Variants in BMPR1B observed in about 807,000 individuals in gnomAD.
BMPR1B encodes bone morphogenetic protein receptor type 1B, also known as bone morphogenetic protein receptor type-1B.
BMPR1B carries 12 observed loss-of-function variants against 59.1 expected under a neutral mutation model. The observed-to-expected ratio is 0.20, with a 90% CI of 0.13 to 0.33. BMPR1B has a LOEUF of 0.33. BMPR1B is among the 10% of genes least tolerant of loss of function. BMPR1B has a pLI of 1.00. For synonymous variants in BMPR1B, 237 were observed against 207.3 expected (o/e 1.14, Z -1.23); for missense variants, 550 against 610.9 (o/e 0.90, Z 1.05).
chr4:94,889,011 T>G (rs1180410727), intron 2 of BMPR1B, among the ~76,000 whole-genome samples: 2 of 151,968 alleles, frequency 1.3e-5, no homozygotes, highest in Non-Finnish European at 2.9e-5. Flanking sequence ...ATACAGGTTT[T>G]AAGAGTCTTA....
chr4:94,968,216 G>A (rs1229794519), intron 2 of BMPR1B, among the ~76,000 whole-genome samples: 1 of 152,134 alleles, frequency 6.6e-6, no homozygotes, highest in Non-Finnish European at 1.5e-5. Context: ...AAAGACTAAA[G>A]TGATTAAAGC....
At chr4:94,967,872 T>C (rs753925840) in intron 2 of BMPR1B, among the ~76,000 whole-genome samples, 4 of 152,164 alleles carry the variant, frequency 2.6e-5, no homozygotes, top group Non-Finnish European at 5.9e-5. Context: ...AATACGCTAT[T>C]CATGTCATAG....
chr4:94,805,786 G>A (rs1483729143), intron 1 of BMPR1B, among the ~76,000 whole-genome samples: 2 of 152,108 alleles, frequency 1.3e-5, no homozygotes, highest in East Asian at 3.9e-4. Context: ...GACTGGGAAT[G>A]AAGTTATATT....
chr4:94,978,732 A>T (rs543560810), intron 2 of BMPR1B, among the ~76,000 whole-genome samples: 2 of 152,190 alleles, frequency 1.3e-5, no homozygotes, highest in Admixed American at 1.3e-4. Flanking sequence ...GAAGAAGAAC[A>T]TTTCGAATGG....
At chr4:94,758,635 C>G (rs1394070099) in intron 1 of BMPR1B, among the ~76,000 whole-genome samples, 1 of 152,110 alleles carries the variant, frequency 6.6e-6, no homozygotes, top group African/African-American at 2.4e-5. Flanking sequence ...GCGGGCTGGT[C>G]CCGGCGCCTT....
At chr4:95,147,917 G>C (rs1734760144) in intron 10 of BMPR1B, among the ~76,000 whole-genome samples, 2 of 152,190 alleles carry the variant, frequency 1.3e-5, no homozygotes, top group Non-Finnish European at 2.9e-5. Flanking sequence ...CCAAGTGCCA[G>C]TGTGCAGGTT....
At chr4:94,904,164 C>T (rs1727941092) in intron 2 of BMPR1B, among the ~76,000 whole-genome samples, 2 of 152,020 alleles carry the variant, frequency 1.3e-5, no homozygotes, top group African/African-American at 2.4e-5. Context: ...ATATTTTAAA[C>T]AATTGGTACA....
intron 9 of BMPR1B, among the ~76,000 whole-genome samples, chr4:95,130,940 G>C (rs888642823): frequency 4.6e-5 from 7 of 151,974 alleles, no homozygotes; most frequent in Admixed American, 4.6e-4. Context: ...ATGTTGACCA[G>C]AGTGGTCTTG....
At chr4:94,893,734 G>A (rs1028189666) in intron 2 of BMPR1B, among the ~76,000 whole-genome samples, 1 of 151,830 alleles carries the variant, frequency 6.6e-6, no homozygotes, top group Admixed American at 6.6e-5. Context: ...ATGGTGTTCT[G>A]AGAACCACCA....
intron 2 of BMPR1B, among the ~76,000 whole-genome samples, chr4:94,908,966 A>G (rs1728172795): frequency 6.6e-6 from 1 of 152,044 alleles, no homozygotes; most frequent in Non-Finnish European, 1.5e-5. Flanking sequence ...GTCTGAAATG[A>G]AGGTGTTGGC....
At chr4:94,825,511 AAAAAC>A (rs542225938) in intron 1 of BMPR1B, among the ~76,000 whole-genome samples, 179 of 152,276 alleles carry the variant, frequency 1.2e-3, no homozygotes, top group African/African-American at 4.0e-3. Flanking sequence ...TCTCAAAAGT[AAAAAC>A]AAAACAAAAC....
At chr4:94,987,695 C>G (rs533461570) in intron 2 of BMPR1B, among the ~76,000 whole-genome samples, 8 of 152,050 alleles carry the variant, frequency 5.3e-5, no homozygotes, top group African/African-American at 9.7e-5. Flanking sequence ...TTTGACCCCC[C>G]CTCGAAAGAT....
chr4:95,065,253 AG>A (rs1481952559), intron 3 of BMPR1B, among the ~76,000 whole-genome samples: 1 of 152,160 alleles, frequency 6.6e-6, no homozygotes, highest in Non-Finnish European at 1.5e-5. Context: ...CAAAGACCAT[AG>A]GTTGTGTTTT....
intron 3 of BMPR1B, among the ~76,000 whole-genome samples, chr4:95,063,012 C>T (rs961779279): frequency 2.0e-5 from 3 of 152,060 alleles, no homozygotes; most frequent in African/African-American, 7.2e-5. Context: ...TATCTATTGA[C>T]ATTTTATAAG....
At chr4:94,931,925 G>C (rs1008036779) in intron 2 of BMPR1B, among the ~76,000 whole-genome samples, 3 of 152,028 alleles carry the variant, frequency 2.0e-5, no homozygotes, top group Non-Finnish European at 4.4e-5. Context: ...GAAATTTGGG[G>C]GATGGCGAGA....
chr4:94,918,240 CTT>C (rs1349217105), intron 2 of BMPR1B, among the ~76,000 whole-genome samples: 1 of 152,044 alleles, frequency 6.6e-6, no homozygotes, highest in Admixed American at 6.6e-5. Context: ...TTTTCTCAGA[CTT>C]AAGTCTTGAG....
intron 3 of BMPR1B, among the ~76,000 whole-genome samples, chr4:95,020,041 AT>A (rs1723860792): frequency 6.6e-6 from 1 of 152,116 alleles, no homozygotes; most frequent in Non-Finnish European, 1.5e-5. Context: ...ATAAAGTTTG[AT>A]TATATTTGTA....
At chr4:94,933,020 T>C (rs1023787428) in intron 2 of BMPR1B, among the ~76,000 whole-genome samples, 1 of 152,170 alleles carries the variant, frequency 6.6e-6, no homozygotes, top group Non-Finnish European at 1.5e-5. Flanking sequence ...TTTGTTCCAC[T>C]ACCCAAAGAT....
intron 1 of BMPR1B, among the ~76,000 whole-genome samples, chr4:94,778,080 C>A (rs1294890386): frequency 6.6e-6 from 1 of 151,798 alleles, no homozygotes; most frequent in Admixed American, 6.6e-5. Flanking sequence ...AATAATTCTT[C>A]TCTTAAAGGA....
Sources: allele counts gnomAD v4.1 joint callset (sites outside exome capture counted in the v4.1 genomes callset), GRCh38; gene constraint gnomAD v4.1.1; transcripts MANE v1.5; gene names NCBI Gene and HGNC (gene_info 2026-07-23, HGNC 2026-07-21).